Variants in PEAR1 observed in about 807,000 individuals in gnomAD.
PEAR1 encodes the protein platelet endothelial aggregation receptor 1.
A neutral mutation model predicts 131.2 loss-of-function variants in PEAR1; 113 were observed. That is an observed-to-expected ratio of 0.86 (90% CI 0.74 to 1.01). The LOEUF is 1.01. Ranked by LOEUF, PEAR1 falls within the 50% of genes least tolerant of loss-of-function variation. The pLI is 0.00. For missense variants in PEAR1, 1,408 were observed against 1,391.1 expected (o/e 1.01, Z -0.19); for synonymous variants, 565 against 523.3 (o/e 1.08, Z -1.09).
chr1:156,912,678 G>A (rs1432327795), intron 17 of PEAR1, 56 bp downstream of exon 17: 4 of 1,609,144 alleles, frequency 2.5e-6, no homozygotes, highest in Non-Finnish European at 2.5e-6. Context: ...TGGGACCTAG[G>A]CCCCTCATAC....
Position 156,910,363 on chromosome 1 carries a change from G to A in PEAR1, c.1808G>A (p.Gly603Asp), listed in dbSNP as rs761387614. ...GNCVCAPGFR[G>D]PSCQRSCQPG... ...TGCGTGTGTGCACCCGGATTCCGGG[G>A]CCCCTCCTGCCAGAGATGTGAGGCT... Residue 603 changes from glycine (G) to aspartate (D), a missense_variant, in exon 14 of 23, where the codon GGC (glycine) becomes GAC (aspartate). Physicochemically the swap from Gly to Asp is moderately conservative, Grantham distance 94. Coordinates refer to ENST00000292357, the MANE Select transcript of PEAR1 (RefSeq NM_001080471.3). 1.3e-6 allele frequency: 2 copies of A among 1,599,088 alleles called. No homozygotes were observed. The highest frequency in any genetic ancestry group is 1.1e-5 in the South Asian group (1 of 88,238).
Position 156,915,436 on chromosome 1 carries a change from C to T in PEAR1, c.*638C>T, listed in dbSNP as rs575984920. ...TGGCCCATCTGTCTCTCCAGCCTCA[C>T]CTTGAACTGTGTTCCTGTCACTGCA... On this transcript the variant is annotated 3_prime_UTR_variant, in exon 23 of 23. Coordinates refer to ENST00000292357, the MANE Select transcript of PEAR1 (RefSeq NM_001080471.3). 1 of 152,400 alleles carries T rather than the reference C, an allele frequency of 6.6e-6. No homozygotes were observed. Among genetic ancestry groups the T allele is most frequent in the Admixed American group, 6.5e-5 (1 of 15,306 alleles). The allele number at this position is 152,400 out of a possible 1,614,324, so 9.4% of individuals were successfully genotyped here.
intron 4 of PEAR1, 26 bp downstream of exon 4, chr1:156,905,450 CG>C: frequency 6.4e-7 from 1 of 1,565,316 alleles, no homozygotes; most frequent in Non-Finnish European, 8.7e-7. Flanking sequence ...GGTTAGGGAG[CG>C]GGGTGGGGCA....
chr1:156,894,940 A>C (rs1035286732), intron 1 of PEAR1, among the ~76,000 whole-genome samples: 7 of 152,182 alleles, frequency 4.6e-5, no homozygotes, highest in Admixed American at 3.9e-4. Flanking sequence ...ACTCAAAACC[A>C]GCTCATGGTA....
rs1295192749 is a variant in PEAR1 at position 156,905,082 on chromosome 1, T to G, written c.206+230T>G. ...ATGTTACAGTATATGCCTGTGGGGT[T>G]GGGGGGGGGGCAAGAAGGGAATGCT... On this transcript the variant is annotated intron_variant, in intron 3 of 22. Coordinates refer to ENST00000292357, the MANE Select transcript of PEAR1 (RefSeq NM_001080471.3). 2.1e-4 allele frequency: 188 copies of G among 880,820 alleles called. No individual in the cohort carries two copies. Among genetic ancestry groups the G allele is most frequent in the Non-Finnish European group, 2.9e-4 (166 of 567,362 alleles). 54.6% of individuals were successfully genotyped at this position (880,820 alleles called of 1,614,324 possible).
intron 22 of PEAR1, among the ~76,000 whole-genome samples, chr1:156,914,301 T>C (rs892504952): frequency 2.0e-5 from 3 of 152,184 alleles, no homozygotes; most frequent in Non-Finnish European, 4.4e-5. Context: ...GAGAACAGTA[T>C]GGTGTACCTT....
At chr1:156,904,875 G>A (rs1208944140) in intron 3 of PEAR1, 23 bp downstream of exon 3, 1 of 1,613,638 alleles carries the variant, frequency 6.2e-7, no homozygotes, top group Non-Finnish European at 8.5e-7. Context: ...CATCCTCCAT[G>A]GGTGGATGGG....
In PEAR1 at chr1:156,903,974, G is replaced by T; in HGVS notation, c.48G>T (p.Arg16=). ...TCCTTCTCCTGGCTGTGGGCCTGCG[G>T]CTGGCTGGAACTCTCAACCCCAGTG... The part of the protein sequence containing the change: ...CPLLLLAVGL[R]LAGTLNPSDP... Residue 16 remains arginine (R), a synonymous_variant, in exon 2 of 23, where the codon CGG becomes CGT. Coordinates refer to ENST00000292357, the MANE Select transcript of PEAR1 (RefSeq NM_001080471.3). 6.2e-7 allele frequency: 1 copy of T among 1,614,060 alleles called. No homozygotes were observed. The highest frequency in any genetic ancestry group is 1.1e-5 in the South Asian group (1 of 91,080).
At chr1:156,907,794 A>G (rs1410743978) in intron 7 of PEAR1, 64 bp downstream of exon 7, 15 of 1,565,366 alleles carry the variant, frequency 9.6e-6, no homozygotes, top group Non-Finnish European at 1.2e-5. Context: ...GGGTGGTGCT[A>G]AGCAGGGCTC....
Position 156,908,310 on chromosome 1 carries a change from C to T in PEAR1, c.1085C>T (p.Pro362Leu). Residue 362 changes from proline to leucine, a missense_variant, in exon 9 of 23, where the codon CCC becomes CTC. Physicochemically the swap from Pro to Leu is moderately conservative, Grantham distance 98. Transcript: ENST00000292357. The surrounding 1 kb of genome is among the most constrained non-coding windows in gnomAD (Gnocchi z 4.2). Reference protein sequence around the residue: ...DGFYGLSCQAPCTCDREHSLS... With the variant: ...DGFYGLSCQALCTCDREHSLS... Reference sequence around the variant, plus strand: ...TTCTACGGTCTCAGCTGCCAGGCCCCCTGCACCTGCGACCGGGAGCACAGC... The same window carrying T: ...TTCTACGGTCTCAGCTGCCAGGCCCTCTGCACCTGCGACCGGGAGCACAGC... The T allele has an allele frequency of 3.2e-6, 5 of 1,558,106 alleles. No individual in the cohort carries two copies. Among genetic ancestry groups the T allele is most frequent in the Non-Finnish European group, 4.3e-6 (5 of 1,155,860 alleles).
At chr1:156,914,607 G>A in intron 22 of PEAR1, 40 bp from the exon 23 acceptor site, 1 of 1,577,458 alleles carries the variant, frequency 6.3e-7, no homozygotes, top group Admixed American at 1.7e-5. Flanking sequence ...GAGAGTGGTG[G>A]GAGGAGCCAC....
At chr1:156,909,173 G>A (rs1650750485) in intron 11 of PEAR1, 137 bp downstream of exon 11, 3 of 1,166,152 alleles carry the variant, frequency 2.6e-6, no homozygotes, top group Non-Finnish European at 3.6e-6. Context: ...TGGACACAGG[G>A]AAAGTATCCA....
chr1:156,911,180 C>T (rs367788393), intron 15 of PEAR1, among the ~76,000 whole-genome samples: 4 of 81,186 alleles, frequency 4.9e-5, no homozygotes, highest in African/African-American at 2.4e-4. Context: ...CCTTTCTTTT[C>T]TTTCTTCTTT....
At position 156,907,363 on chromosome 1, in the gene PEAR1, T is replaced by G. The variant is rs1258614786; in HGVS notation, c.645-247T>G. Among the ~76,000 whole-genome samples the G allele has an allele frequency of 4.6e-5, 7 of 151,302 alleles. No homozygotes were observed. The East Asian group carries it at 1.2e-3, about 25-fold the overall frequency. Reference sequence around the variant, plus strand: ...AACAGACCAAGCCAAGGTGAGGAGGTGGGGGCGCCCGAGAGGCAGACATGC... The same window carrying G: ...AACAGACCAAGCCAAGGTGAGGAGGGGGGGGCGCCCGAGAGGCAGACATGC... On this transcript the variant is annotated intron_variant, in intron 6 of 22. Coordinates refer to ENST00000292357, the MANE Select transcript of PEAR1 (RefSeq NM_001080471.3).
chr1:156,909,992 ACTCCTT>A lies in PEAR1; in HGVS notation c.1576-9_1576-4del. On this transcript the variant is annotated splice_polypyrimidine_tract_variant and splice_region_variant and intron_variant, in intron 12 of 22. Coordinates refer to ENST00000292357, the MANE Select transcript of PEAR1 (RefSeq NM_001080471.3). ...CAGCTGACTGGCCTACCTGCTCCCC[ACTCCTT>A]CTCCAAGAAGGGGCAGTTTGGAGAA... is the stretch of plus-strand genomic sequence containing the variant. 6.2e-7 allele frequency: 1 copy of A among 1,612,648 alleles called. No individual in the cohort carries two copies. Among genetic ancestry groups the A allele is most frequent in the Non-Finnish European group, 8.5e-7 (1 of 1,179,846 alleles).
chr1:156,903,854 C>A, intron 1 of PEAR1, 64 bp from the exon 2 acceptor site: 1 of 1,354,094 alleles, frequency 7.4e-7, no homozygotes, highest in Non-Finnish European at 1.0e-6. Context: ...CAGATCTCTG[C>A]AGACAGGTCC....
rs776191743 is a variant in PEAR1, at chr1:156,914,112, C to CT, written c.2962+13dup. Reference sequence around the variant, plus strand: ...CCCCCTGATCCATGGTGAGCCCTCCCTCTCCACTGGCAGGAGCAGCAGAGA... The same window carrying CT: ...CCCCCTGATCCATGGTGAGCCCTCCCTTCTCCACTGGCAGGAGCAGCAGAGA... On this transcript the variant is annotated intron_variant, in intron 22 of 22. Coordinates refer to ENST00000292357, the MANE Select transcript of PEAR1 (RefSeq NM_001080471.3). 7.6e-6 allele frequency: 12 copies of CT among 1,575,972 alleles called. No homozygotes were observed. The South Asian group carries it at 1.4e-4, about 18-fold the overall frequency.
At chr1:156,906,161 G>T in intron 4 of PEAR1, 115 bp from the exon 5 acceptor site, 2 of 876,510 alleles carry the variant, frequency 2.3e-6, no homozygotes, top group Non-Finnish European at 3.6e-6. Flanking sequence ...GCAGAATTGG[G>T]GCTTGGAGAA....
rs55745350 is a variant in PEAR1, at chr1:156,913,321, G to A, written c.2511+39G>A. 4,739 of 1,597,446 alleles carry A rather than the reference G, an allele frequency of 3.0e-3. 13 individuals carry two copies. The highest frequency in any genetic ancestry group is 9.9e-3 in the Middle Eastern group (59 of 5,968). ...GAGGGGGTGCACTGTGGAGGGAAGC[G>A]CACAGACCAGCTTCTCTGGAAAGCC... On this transcript the variant is annotated intron_variant, in intron 19 of 22. Coordinates refer to ENST00000292357, the MANE Select transcript of PEAR1 (RefSeq NM_001080471.3).
Sources: gnomAD v4.1 joint callset for allele counts (sites outside exome capture counted in the v4.1 genomes callset) on GRCh38, gnomAD v4.1.1 for gene constraint, Gnocchi (gnomAD v3.1) non-coding constraint, MANE v1.5 for transcripts, NCBI Gene and HGNC (gene_info 2026-07-23, HGNC 2026-07-21) for gene names.